Variants in PRPSAP2 observed in about 807,000 individuals in gnomAD.
PRPSAP2 encodes the protein phosphoribosyl pyrophosphate synthase-associated protein 2.
A neutral mutation model predicts 40.6 loss-of-function variants in PRPSAP2; 24 were observed. The observed-to-expected ratio is 0.59, with a 90% CI of 0.43 to 0.83. The LOEUF is 0.83. Ranked by LOEUF, PRPSAP2 falls within the 40% of genes least tolerant of loss-of-function variation. PRPSAP2 has a pLI of 0.00. For missense variants in PRPSAP2, 292 were observed against 465.6 expected, an observed-to-expected ratio of 0.63 and a Z score of 3.43; for synonymous variants, 149 against 164.7, an observed-to-expected ratio of 0.90 and a Z score of 0.73.
chr17:18,872,445 A>G, intron 4 of PRPSAP2, 138 bp from the exon 5 acceptor site: 1 of 659,978 alleles, frequency 1.5e-6, no homozygotes, highest in South Asian at 1.9e-5. Flanking sequence ...CCCTTGTAAC[A>G]TCTAAAGCCT....
intron 2 of PRPSAP2, 85 bp downstream of exon 2, chr17:18,865,649 A>G: frequency 3.0e-6 from 1 of 330,082 alleles, no homozygotes; most frequent in African/African-American, 2.2e-5. Context: ...ATCCAACTGA[A>G]CTTTCTGTTT....
intron 9 of PRPSAP2, among the ~76,000 whole-genome samples, chr17:18,916,742 C>G (rs1046193843): frequency 6.6e-6 from 1 of 152,094 alleles, no homozygotes; most frequent in Non-Finnish European, 1.5e-5. Flanking sequence ...ACTGGGAAGT[C>G]CTGGATCAAG....
At chr17:18,882,227 A>G (rs982607112) in intron 6 of PRPSAP2, among the ~76,000 whole-genome samples, 2 of 151,754 alleles carry the variant, frequency 1.3e-5, no homozygotes, top group South Asian at 4.2e-4. Context: ...TAAACTGTTT[A>G]TAGGCTGGGT....
At chr17:18,860,569 A>G (rs566506280) in intron 1 of PRPSAP2, 8 of 152,356 alleles carry the variant, frequency 5.3e-5, no homozygotes, top group Admixed American at 4.6e-4. Context: ...TACCAAGGTT[A>G]TATCTCTTGT....
At chr17:18,920,034 A>G (rs1427794574) in intron 9 of PRPSAP2, among the ~76,000 whole-genome samples, 1 of 152,138 alleles carries the variant, frequency 6.6e-6, no homozygotes, top group East Asian at 1.9e-4. Flanking sequence ...GCTGGGGGGT[A>G]GGCCTGGGGC....
intron 4 of PRPSAP2, among the ~76,000 whole-genome samples, chr17:18,871,082 C>T (rs565050338): frequency 5.9e-5 from 9 of 151,914 alleles, no homozygotes; most frequent in Non-Finnish European, 1.0e-4. Flanking sequence ...TGCAGTGGTG[C>T]GATCTTGGCT....
intron 5 of PRPSAP2, among the ~76,000 whole-genome samples, chr17:18,876,659 A>G (rs934404088): frequency 2.0e-5 from 3 of 152,226 alleles, no homozygotes; most frequent in Admixed American, 1.3e-4. Context: ...GATTATCTAG[A>G]AGGTGATGAA....
intron 5 of PRPSAP2, among the ~76,000 whole-genome samples, chr17:18,876,489 T>G (rs1254214590): frequency 6.6e-6 from 1 of 152,226 alleles, no homozygotes; most frequent in Admixed American, 6.5e-5. Context: ...TCACTCCTTC[T>G]TTCATTAACA....
At chr17:18,856,389 G>C (rs567765773), upstream of PRPSAP2, 1 of 152,344 alleles carries the variant, frequency 6.6e-6, no homozygotes, top group South Asian at 2.1e-4. Flanking sequence ...CAGAAGGGAC[G>C]TGAGCCCAGC....
chr17:18,877,245 C>T (rs2038364283), intron 5 of PRPSAP2, among the ~76,000 whole-genome samples: 1 of 152,032 alleles, frequency 6.6e-6, no homozygotes, highest in African/African-American at 2.4e-5. Context: ...GTAAGATGTA[C>T]AGCAAAGGGG....
intron 1 of PRPSAP2, among the ~76,000 whole-genome samples, chr17:18,864,534 G>A (rs182477349): frequency 6.2e-4 from 94 of 152,018 alleles, no homozygotes; most frequent in Non-Finnish European, 1.1e-3. Flanking sequence ...CTTGTGATCC[G>A]CCTGCCTTGG....
At chr17:18,899,138 A>G (rs2040106402) in intron 8 of PRPSAP2, among the ~76,000 whole-genome samples, 1 of 152,168 alleles carries the variant, frequency 6.6e-6, no homozygotes, top group South Asian at 2.1e-4. Flanking sequence ...TTCCGACCTC[A>G]GGTGATCCAC....
At chr17:18,879,378 G>A (rs67735616) in intron 6 of PRPSAP2, among the ~76,000 whole-genome samples, 64,451 of 151,940 alleles carry the variant, frequency 0.42, 13,999 homozygotes, top group Middle Eastern at 0.5. Context: ...TCCACCACCC[G>A]GGTTCAAGCA....
intron 8 of PRPSAP2, among the ~76,000 whole-genome samples, chr17:18,894,359 A>G (rs1446074336): frequency 6.6e-6 from 1 of 151,674 alleles, no homozygotes; most frequent in Non-Finnish European, 1.5e-5. Flanking sequence ...GGGTTTCTCC[A>G]TGTTGGTCAG....
chr17:18,863,672 A>G (rs1484457092), intron 1 of PRPSAP2, among the ~76,000 whole-genome samples: 1 of 151,750 alleles, frequency 6.6e-6, no homozygotes, highest in African/African-American at 2.4e-5. Context: ...AGCTGGGACT[A>G]CAGGCACCTG....
chr17:18,886,431 C>T (rs1464972508), intron 7 of PRPSAP2, among the ~76,000 whole-genome samples: 2 of 151,666 alleles, frequency 1.3e-5, no homozygotes, highest in Admixed American at 1.3e-4. Flanking sequence ...TCTCAGCTTA[C>T]TGCAAGCTCC....
chr17:18,910,368 A>G (rs1200682424), intron 8 of PRPSAP2, among the ~76,000 whole-genome samples: 2 of 152,066 alleles, frequency 1.3e-5, no homozygotes, highest in African/African-American at 4.8e-5. Flanking sequence ...GTTGCAGTGA[A>G]CTGAGAAATC....
chr17:18,905,772 A>G (rs981549801), intron 8 of PRPSAP2, among the ~76,000 whole-genome samples: 3 of 152,116 alleles, frequency 2.0e-5, no homozygotes, highest in East Asian at 3.9e-4. Flanking sequence ...TAGTAAAGAC[A>G]GGGTTTCTCC....
At chr17:18,883,099 G>A (rs551840135) in intron 7 of PRPSAP2, among the ~76,000 whole-genome samples, 1 of 152,236 alleles carries the variant, frequency 6.6e-6, no homozygotes, top group South Asian at 2.1e-4. Flanking sequence ...CTGCTCATGG[G>A]CTCCTTCTCT....
Sources: allele counts gnomAD v4.1 joint callset (sites outside exome capture counted in the v4.1 genomes callset), GRCh38; gene constraint gnomAD v4.1.1; transcripts MANE v1.5; gene names NCBI Gene and HGNC (gene_info 2026-07-23, HGNC 2026-07-21).